FOCAD: variants seen among roughly 807,000 people sequenced by gnomAD.
The protein encoded by FOCAD is KIAA1797.
FOCAD carries 198 observed loss-of-function variants against 225.6 expected under a neutral mutation model. The ratio of observed to expected loss-of-function variants is 0.88; its 90% CI spans 0.78 to 0.99. FOCAD has a LOEUF of 0.99. Among genes scored for constraint, FOCAD ranks in the 50% least tolerant of loss-of-function variants. The pLI is 0.00. For missense variants in FOCAD, 2,713 were observed against 2,123.6 expected, an observed-to-expected ratio of 1.28 and a Z score of -5.46; for synonymous variants, 897 against 755.0, an observed-to-expected ratio of 1.19 and a Z score of -3.08.
At chr9:20,929,684 G>C in intron 27 of FOCAD, 88 bp downstream of exon 27, 1 of 1,030,146 alleles carries the variant, frequency 9.7e-7, no homozygotes, top group Non-Finnish European at 1.5e-6. Flanking sequence ...TATAAACATT[G>C]TATCTGAGCA....
intron 7 of FOCAD, among the ~76,000 whole-genome samples, chr9:20,768,721 A>G (rs1817854898): frequency 6.6e-6 from 1 of 152,194 alleles, no homozygotes; most frequent in Admixed American, 6.5e-5. Context: ...TCATGAAAGA[A>G]TGGTCAGTGA....
chr9:20,879,506 T>C (rs1395571383), intron 19 of FOCAD, among the ~76,000 whole-genome samples: 5 of 152,196 alleles, frequency 3.3e-5, no homozygotes, highest in Admixed American at 6.5e-5. Flanking sequence ...GTATCAATTG[T>C]TTTTTCTTTT....
rs113120366 is a variant in FOCAD at position 20,832,574 on chromosome 9, T to A, written c.1920+9459T>A. On this transcript the variant is annotated intron_variant, in intron 15 of 43. Coordinates refer to ENST00000338382, the MANE Select transcript of FOCAD (RefSeq NM_001375567.1). ...TCTAATTACACTCTTTAAGTTATTT[T>A]AAAATGTACAATTGAGTTATTATTG... 7.1e-3 allele frequency among the ~76,000 whole-genome samples: 1,082 copies of A among 152,216 alleles called. 13 individuals are homozygous for A. Among genetic ancestry groups the A allele is most frequent in the African/African-American group, 0.025 (1,021 of 41,558 alleles).
chr9:20,705,070 T>C (rs1386871618), intron 1 of FOCAD, among the ~76,000 whole-genome samples: 2 of 152,220 alleles, frequency 1.3e-5, no homozygotes, highest in Admixed American at 6.5e-5. Flanking sequence ...CCTCAGTGTC[T>C]TAATCTGTAA....
chr9:20,866,917 T>TTTAACAA lies in FOCAD; in HGVS notation c.2107-12_2107-11insTTAACAA. The TTTAACAA allele has an allele frequency of 2.6e-6, 2 of 764,972 alleles. No homozygotes were observed. The highest frequency in any genetic ancestry group is 4.0e-6 in the Non-Finnish European group (2 of 498,468). 47.4% of individuals were successfully genotyped at this position (764,972 alleles called of 1,614,324 possible). On this transcript the variant is annotated splice_polypyrimidine_tract_variant and intron_variant, in intron 17 of 43. Coordinates refer to ENST00000338382, the MANE Select transcript of FOCAD (RefSeq NM_001375567.1). ...TTTTTTTTTTTTTTTTTTTTTTTTT[T>TTTAACAA]ACCCTATCTAGGACCCAATTGTAGC... is the stretch of plus-strand genomic sequence containing the variant.
At chr9:20,882,324 C>G (rs1830742656) in intron 20 of FOCAD, among the ~76,000 whole-genome samples, 1 of 152,132 alleles carries the variant, frequency 6.6e-6, no homozygotes, top group Non-Finnish European at 1.5e-5. Flanking sequence ...GAGGCATGGC[C>G]TGTTGGAAGA....
At position 20,720,458 on chromosome 9, in the gene FOCAD, G is replaced by C. The variant is rs774779636; in HGVS notation, c.211G>C (p.Val71Leu). Residue 71 changes from valine (V) to leucine (L), a missense_variant, in exon 4 of 44, where the codon GTG becomes CTG. Val to Leu is a conservative substitution (Grantham distance 32). Transcript: ENST00000338382. Reference protein sequence around the residue: ...VVRTACCEGLVALVAQDHAEF... With the variant: ...VVRTACCEGLLALVAQDHAEF... ...TCGAACAGCCTGCTGTGAAGGTCTG[G>C]TGGCACTCGTTGCTCAGGATCATGC... 6.2e-7 allele frequency: 1 copy of C among 1,614,122 alleles called. No homozygotes were observed. Among genetic ancestry groups the C allele is most frequent in the Non-Finnish European group, 8.5e-7 (1 of 1,179,990 alleles).
chr9:20,978,577 A>C (rs890415961), intron 37 of FOCAD, 123 bp downstream of exon 37: 8 of 573,302 alleles, frequency 1.4e-5, no homozygotes, highest in African/African-American at 1.3e-4. Context: ...ACAAAAATCG[A>C]GGGTTTGATA....
chr9:20,720,580 G>A, intron 4 of FOCAD, 46 bp downstream of exon 4: 1 of 1,583,436 alleles, frequency 6.3e-7, no homozygotes, highest in Admixed American at 1.8e-5. Flanking sequence ...TAAGTTTTTA[G>A]GAAAAAAATT....
At chr9:20,919,508 A>G (rs1195547964) in intron 24 of FOCAD, among the ~76,000 whole-genome samples, 1 of 152,188 alleles carries the variant, frequency 6.6e-6, no homozygotes, top group Admixed American at 6.5e-5. Context: ...CACCAAGTCA[A>G]TCCTAAGCCA....
chr9:20,823,408 G>GC (rs1297164977), intron 15 of FOCAD, among the ~76,000 whole-genome samples: 5 of 151,962 alleles, frequency 3.3e-5, no homozygotes, highest in Non-Finnish European at 7.4e-5. Flanking sequence ...GCCTATAGGA[G>GC]AACTCTAGAA....
chr9:20,701,567 A>G (rs1823949323), intron 1 of FOCAD, among the ~76,000 whole-genome samples: 1 of 152,224 alleles, frequency 6.6e-6, no homozygotes, highest in African/African-American at 2.4e-5. Context: ...TTTACTACAG[A>G]TTGACAATTG....
At chr9:20,844,174 A>G (rs1000456725) in intron 15 of FOCAD, among the ~76,000 whole-genome samples, 6 of 152,032 alleles carry the variant, frequency 3.9e-5, no homozygotes, top group African/African-American at 1.2e-4. Context: ...AATGGCCCTA[A>G]AGTAGAAACC....
chr9:20,713,924 A>G (rs1825085902), intron 1 of FOCAD, among the ~76,000 whole-genome samples: 1 of 152,216 alleles, frequency 6.6e-6, no homozygotes, highest in Non-Finnish European at 1.5e-5. Context: ...AATAAAGTAG[A>G]TTTAGATAGG....
intron 18 of FOCAD, among the ~76,000 whole-genome samples, chr9:20,870,537 T>G (rs1429599126): frequency 6.6e-6 from 1 of 152,224 alleles, no homozygotes; most frequent in Non-Finnish European, 1.5e-5. Context: ...TGATACATAT[T>G]AGGTAGAAAT....
chr9:20,782,539 A>G (rs1043619321), intron 10 of FOCAD, among the ~76,000 whole-genome samples: 3 of 152,210 alleles, frequency 2.0e-5, no homozygotes, highest in African/African-American at 4.8e-5. Context: ...CAATAACGTG[A>G]AAGTGTTGTC....
chr9:20,980,344 A>G (rs1335130056), intron 37 of FOCAD, among the ~76,000 whole-genome samples: 2 of 152,076 alleles, frequency 1.3e-5, no homozygotes, highest in African/African-American at 2.4e-5. Context: ...GCCCTGTTCT[A>G]TTCACTCCTT....
chr9:20,692,931 CA>C (rs1823060305), intron 1 of FOCAD, among the ~76,000 whole-genome samples: 1 of 152,090 alleles, frequency 6.6e-6, no homozygotes, highest in African/African-American at 2.4e-5. Context: ...AATTGGAGGC[CA>C]TTTTTTGCAA....
intron 15 of FOCAD, 143 bp from the exon 16 acceptor site, chr9:20,862,435 T>A (rs1029433600): frequency 8.8e-6 from 7 of 796,448 alleles, no homozygotes; most frequent in Non-Finnish European, 1.3e-5. Flanking sequence ...ATTTGAGGGG[T>A]GGTACCTTAT....
Sources: gnomAD v4.1 joint callset for allele counts (sites outside exome capture counted in the v4.1 genomes callset) on GRCh38, gnomAD v4.1.1 for gene constraint, MANE v1.5 for transcripts, NCBI Gene and HGNC (gene_info 2026-07-23, HGNC 2026-07-21) for gene names.